The following HDX variants were observed in gnomAD, a reference collection of about 807,000 sequenced individuals.
The protein encoded by HDX is chromosome X open reading frame 43.
HDX carries 19 observed loss-of-function variants against 45.2 expected under a neutral mutation model. That is an observed-to-expected ratio of 0.42 (90% CI 0.29 to 0.62). HDX has a LOEUF of 0.62. HDX is among the 20% of genes least tolerant of loss of function. The pLI is 0.20. For synonymous variants in HDX, 188 were observed against 172.8 expected, an observed-to-expected ratio of 1.09 and a Z score of -0.69; for missense variants, 532 against 493.9, an observed-to-expected ratio of 1.08 and a Z score of -0.73.
At chrX:84,440,765 A>C (rs1438429001) in intron 4 of HDX, among the ~76,000 whole-genome samples, 180 bp from the exon 5 acceptor site, 1 of 111,081 alleles carries the variant, frequency 9.0e-6, no homozygotes, top group African/African-American at 3.3e-5. Context: ...TTTTTTGGTG[A>C]AAAAAATTGA....
intron 6 of HDX, among the ~76,000 whole-genome samples, chrX:84,358,963 A>G (rs961927848): frequency 9.0e-6 from 1 of 111,386 alleles, no homozygotes; most frequent in Non-Finnish European, 1.9e-5. Flanking sequence ...GTCAACTGTT[A>G]GCATCTCTTC....
intron 6 of HDX, among the ~76,000 whole-genome samples, chrX:84,354,928 CACATAT>C (rs1277283952): frequency 2.8e-4 from 6 of 21,378 alleles, no homozygotes; most frequent in South Asian, 3.4e-3. Context: ...TACACACACA[CACATAT>C]ATATATATAT....
chrX:84,379,575 A>T (rs1487976898), intron 5 of HDX, among the ~76,000 whole-genome samples: 4 of 111,863 alleles, frequency 3.6e-5, no homozygotes, highest in African/African-American at 1.3e-4. Flanking sequence ...CAATAGCAAG[A>T]GGAATTTTGT....
At chrX:84,352,523 T>C (rs966111895) in intron 6 of HDX, among the ~76,000 whole-genome samples, 5 of 111,702 alleles carry the variant, frequency 4.5e-5, no homozygotes, top group African/African-American at 1.6e-4. Flanking sequence ...GGTGTATATA[T>C]TTACGAGGCA....
chrX:84,380,164 C>T (rs558397738), intron 5 of HDX, among the ~76,000 whole-genome samples: 4 of 108,990 alleles, frequency 3.7e-5, no homozygotes, highest in Admixed American at 2.9e-4. Flanking sequence ...AAAGATTGAA[C>T]CACAAAGATA....
intron 5 of HDX, among the ~76,000 whole-genome samples, chrX:84,430,684 A>ATTT (rs34140119): frequency 0.051 from 5,376 of 104,656 alleles, 118 homozygotes; most frequent in African/African-American, 0.091. Flanking sequence ...AGTATTTGTG[A>ATTT]TTTTTTTTTT....
At chrX:84,349,525 GTA>G (rs781167267) in intron 6 of HDX, among the ~76,000 whole-genome samples, 20 of 91,327 alleles carry the variant, frequency 2.2e-4, no homozygotes, top group East Asian at 1.4e-3. Context: ...ATGTGTGTGT[GTA>G]TATATATATA....
In HDX at chrX:84,324,454, A is replaced by G. The variant is rs185212966; in HGVS notation, c.1947+1724T>C. 2.6e-3 allele frequency among the ~76,000 whole-genome samples: 287 copies of G among 111,265 alleles called. 2 individuals carry two copies. The highest frequency in any genetic ancestry group is 9.0e-3 in the African/African-American group (278 of 30,781). On this transcript the variant is annotated intron_variant, in intron 10 of 10. Coordinates refer to ENST00000373177, the MANE Select transcript of HDX (RefSeq NM_001177479.2). ...CTTCTATATTTTGTGACCATATTCTAAGATTCATTATACTCATTCTTAATT... is the reference window on the plus strand; with the variant it reads ...CTTCTATATTTTGTGACCATATTCTGAGATTCATTATACTCATTCTTAATT...
rs1438224427 is a variant in HDX at position 84,321,292 on chromosome X, G to T, written c.*597C>A. 1 of 110,650 alleles carries T rather than the reference G, an allele frequency of 9.0e-6. No homozygotes were observed. The highest frequency in any genetic ancestry group is 1.9e-5 in the Non-Finnish European group (1 of 52,438). 9.1% of individuals were successfully genotyped at this position (110,650 alleles called of 1,213,427 possible). A position where few individuals can be genotyped will look rare whatever the true frequency, so the allele number is the denominator to read the frequency against. On this transcript the variant is annotated 3_prime_UTR_variant, in exon 11 of 11. Transcript: ENST00000373177. ...CACCCCCACACAAATATTTGGGTTAGATAATAGAAGAACACCAGCAATTTA... is the reference window on the plus strand; with the variant it reads ...CACCCCCACACAAATATTTGGGTTATATAATAGAAGAACACCAGCAATTTA...
chrX:84,466,531 C>CAGTA (rs2040355645), intron 4 of HDX, among the ~76,000 whole-genome samples: 1 of 111,797 alleles, frequency 8.9e-6, no homozygotes, highest in Non-Finnish European at 1.9e-5. Flanking sequence ...ATTCATACGA[C>CAGTA]AGTTGCTAAA....
chrX:84,400,433 G>A lies in HDX; in HGVS notation c.1306-38821C>T, dbSNP rs909157184. ...CAAAAGTCAAGCAGAGAGGCAAATCGTAACAAACTCCCATTCACAATTGCT... is the reference window on the plus strand; with the variant it reads ...CAAAAGTCAAGCAGAGAGGCAAATCATAACAAACTCCCATTCACAATTGCT... On this transcript the variant is annotated intron_variant, in intron 5 of 10. Coordinates refer to ENST00000373177, the MANE Select transcript of HDX (RefSeq NM_001177479.2). Among the ~76,000 whole-genome samples the A allele has an allele frequency of 4.6e-5, 5 of 107,625 alleles. No individual in the cohort carries two copies. The East Asian group carries it at 9.0e-4, about 19-fold the overall frequency. The allele number at this position is 107,625 out of a possible 115,157, so 93.5% of individuals were successfully genotyped here.
intron 9 of HDX, among the ~76,000 whole-genome samples, chrX:84,328,414 A>G (rs753670027): frequency 9.0e-6 from 1 of 111,263 alleles, no homozygotes; most frequent in South Asian, 3.8e-4. Context: ...TGCTCTTTAA[A>G]ATATATTGTA....
chrX:84,345,468 A>G (rs1303357293), intron 6 of HDX, among the ~76,000 whole-genome samples: 1 of 111,460 alleles, frequency 9.0e-6, no homozygotes, highest in Non-Finnish European at 1.9e-5. Context: ...TATCGAGCCC[A>G]TTCGTTTTTA....
rs185838712 is a variant in HDX, at chrX:84,396,103, T to C, written c.1306-34491A>G. Among the ~76,000 whole-genome samples the C allele has an allele frequency of 2.7e-5, 3 of 112,405 alleles. No homozygotes were observed. In the East Asian group the frequency reaches 8.3e-4, roughly 31 times the overall value. On this transcript the variant is annotated intron_variant, in intron 5 of 10. Transcript: ENST00000373177. ...ATTTCTGAAGAATTATTGTGCTCCT[T>C]TGTAGGTGTCATATTTCTTTGCATT... is the stretch of plus-strand genomic sequence containing the variant.
intron 1 of HDX, among the ~76,000 whole-genome samples, chrX:84,497,460 A>T (rs1374754402): frequency 9.0e-6 from 1 of 111,619 alleles, no homozygotes; most frequent in African/African-American, 3.3e-5. Context: ...AAATCCACTC[A>T]TGAAGTGCTT....
rs189555844 is a variant in HDX, at chrX:84,457,885, A to C, written c.1251+10587T>G. Among the ~76,000 whole-genome samples the C allele has an allele frequency of 1.5e-3, 166 of 112,075 alleles. 2 individuals are homozygous for C. The South Asian group carries it at 0.016, about 11-fold the overall frequency. ...TGCTAACGTTTTGTTTCTTGATCATAAGAAAAAATTCTAGCTTCAATTCTA... is the reference window on the plus strand; with the variant it reads ...TGCTAACGTTTTGTTTCTTGATCATCAGAAAAAATTCTAGCTTCAATTCTA... On this transcript the variant is annotated intron_variant, in intron 4 of 10. Coordinates refer to ENST00000373177, the MANE Select transcript of HDX (RefSeq NM_001177479.2).
chrX:84,449,465 G>A (rs2039948817), intron 4 of HDX, among the ~76,000 whole-genome samples: 1 of 111,923 alleles, frequency 8.9e-6, no homozygotes, highest in Non-Finnish European at 1.9e-5. Context: ...ACTAACACCA[G>A]ATTTCTCAGT....
intron 7 of HDX, among the ~76,000 whole-genome samples, chrX:84,343,973 C>G (rs1253537622): frequency 1.8e-5 from 2 of 110,661 alleles, no homozygotes; most frequent in Non-Finnish European, 3.8e-5. Context: ...GACTAGAATT[C>G]CAATAAAATA....
intron 8 of HDX, among the ~76,000 whole-genome samples, chrX:84,334,672 C>CAAAAA (rs60988215): frequency 1.9e-5 from 1 of 51,723 alleles, no homozygotes. Context: ...AAAAAAAAAG[C>CAAAAA]AAAAAAAAAA....
Sources: allele counts gnomAD v4.1 joint callset (sites outside exome capture counted in the v4.1 genomes callset), GRCh38; gene constraint gnomAD v4.1.1; transcripts MANE v1.5; gene names NCBI Gene and HGNC (gene_info 2026-07-23, HGNC 2026-07-21).